The following DSTYK variants were observed in gnomAD, a reference collection of about 807,000 sequenced individuals.
DSTYK encodes RIP-homologous kinase.
In DSTYK, 34 loss-of-function variants were observed where a neutral mutation model predicts 98.7. The observed-to-expected ratio is 0.34, with a 90% confidence interval of 0.26 to 0.46. DSTYK has a LOEUF of 0.46. Ranked by LOEUF, DSTYK falls within the 20% of genes least tolerant of loss-of-function variation. The pLI, the probability that DSTYK is intolerant of heterozygous loss-of-function variation, is 1.00. For missense variants in DSTYK, 962 were observed against 1,181.7 expected (o/e 0.81, Z 2.73); for synonymous variants, 462 against 457.3 (o/e 1.01, Z -0.13).
Position 205,162,940 on chromosome 1 carries a change from A to G in DSTYK, c.1624T>C (p.Trp542Arg). The change falls in exon 5 of 13, where the codon TGG becomes CGG. Residue 542 changes from tryptophan to arginine, a missense_variant. Physicochemically the swap from Trp to Arg is moderately radical, Grantham distance 101 (BLOSUM62 -3). Around this residue, in one of 4 missense-constraint regions of DSTYK, gnomAD observed 660 missense variants for 855.0 expected, o/e 0.77. Coordinates refer to ENST00000367162, the MANE Select transcript of DSTYK (RefSeq NM_015375.3). ...HSGSSVTRML[W>R]EQIKQIIQRI... ...ATCCCTACCTGTTTGATTTGCTCCC[A>G]TAGCATCCTTGTAACTGACGACCCT... The G allele has an allele frequency of 6.2e-7, 1 of 1,613,824 alleles. No individual in the cohort carries two copies. Among genetic ancestry groups the G allele is most frequent in the Non-Finnish European group, 8.5e-7 (1 of 1,179,718 alleles).
Position 205,150,171 on chromosome 1 carries a change from T to G in DSTYK, c.2467+509A>C, listed in dbSNP as rs768930589. 6.6e-6 allele frequency among the ~76,000 whole-genome samples: 1 copy of G among 152,202 alleles called. No individual in the cohort carries two copies. Among genetic ancestry groups the G allele is most frequent in the Non-Finnish European group, 1.5e-5 (1 of 68,032 alleles). Reference sequence around the variant, plus strand: ...TTCTCACCTACCAATTTCCCAAATCTGACTCAAGTTCTATTCAAAATCTCA... The same window carrying G: ...TTCTCACCTACCAATTTCCCAAATCGGACTCAAGTTCTATTCAAAATCTCA... On this transcript the variant is annotated intron_variant, in intron 11 of 12. Coordinates refer to ENST00000367162, the MANE Select transcript of DSTYK (RefSeq NM_015375.3). The surrounding 1 kb of genome is among the most constrained non-coding windows in gnomAD (Gnocchi z 4.1).
rs200125901 is a variant in DSTYK, at chr1:205,161,228, C to T, written c.1948+30G>A. Reference sequence around the variant, plus strand: ...AATGTCAGGTATCCTGAACCATCCTCCAGTTTATCTAGAAGAAAACCAGAC... The same window carrying T: ...AATGTCAGGTATCCTGAACCATCCTTCAGTTTATCTAGAAGAAAACCAGAC... On this transcript the variant is annotated intron_variant, in intron 7 of 12. Transcript: ENST00000367162. The T allele has an allele frequency of 3.7e-6, 6 of 1,612,668 alleles. No homozygotes were observed. In the Admixed American group the frequency reaches 8.4e-5, roughly 22 times the overall value.
At chr1:205,206,736 C>A (rs1164385698) in intron 1 of DSTYK, among the ~76,000 whole-genome samples, 1 of 151,124 alleles carries the variant, frequency 6.6e-6, no homozygotes, top group Admixed American at 6.6e-5. Context: ...CACCTGCCAC[C>A]CTGCCCGGCT....
chr1:205,205,804 C>T (rs1233846494), intron 1 of DSTYK, among the ~76,000 whole-genome samples: 1 of 152,068 alleles, frequency 6.6e-6, no homozygotes, highest in Non-Finnish European at 1.5e-5. Context: ...AATGCTGGCA[C>T]ATTTAAAAGG....
In DSTYK at chr1:205,147,253, A is replaced by G. The variant is rs1657263965; in HGVS notation, c.*305T>C. The stretch of plus-strand genomic sequence containing the variant: ...TTAGAAGTATATACAGTGAAAAGAC[A>G]ATGGTAACATCTGCCTCCTTTTCAT... On this transcript the variant is annotated 3_prime_UTR_variant, in exon 13 of 13. Transcript: ENST00000367162. 1 of 251,732 alleles carries G rather than the reference A, an allele frequency of 4.0e-6. No individual in the cohort carries two copies. Among genetic ancestry groups the G allele is most frequent in the Non-Finnish European group, 7.7e-6 (1 of 129,152 alleles). 15.6% of individuals were successfully genotyped at this position (251,732 alleles called of 1,614,324 possible).
intron 1 of DSTYK, among the ~76,000 whole-genome samples, chr1:205,209,623 AGGGGGATG>A (rs1305003661): frequency 6.8e-5 from 5 of 73,544 alleles, no homozygotes; most frequent in Admixed American, 1.6e-4. Context: ...ACATAAAAGG[AGGGGGATG>A]ACTAGTTTTT....
At chr1:205,164,004 G>C in intron 3 of DSTYK, 49 bp from the exon 4 acceptor site, 1 of 1,499,594 alleles carries the variant, frequency 6.7e-7, no homozygotes, top group Non-Finnish European at 9.3e-7. Flanking sequence ...AGAAGGGGCA[G>C]ACACACTAAA....
intron 11 of DSTYK, among the ~76,000 whole-genome samples, chr1:205,148,801 A>C (rs1657319252): frequency 6.6e-6 from 1 of 152,178 alleles, no homozygotes; most frequent in South Asian, 2.1e-4. Context: ...ATATTTTAGA[A>C]AGATGATTCC....
intron 1 of DSTYK, chr1:205,202,258 G>A (rs948417657): frequency 5.7e-5 from 35 of 611,378 alleles, no homozygotes; most frequent in African/African-American, 3.3e-4. Flanking sequence ...TCAAATCTTC[G>A]TGTTCACTTT....
At chr1:205,176,220 G>A (rs1272421170) in intron 2 of DSTYK, among the ~76,000 whole-genome samples, 2 of 152,162 alleles carry the variant, frequency 1.3e-5, no homozygotes, top group Non-Finnish European at 2.9e-5. Context: ...ATTCACGCCT[G>A]TAATCCCAGC....
chr1:205,162,942 A>G lies in DSTYK; in HGVS notation c.1622T>C (p.Leu541Pro). The change falls in exon 5 of 13, where the codon CTA becomes CCA. Residue 541 changes from leucine to proline, a missense_variant. By Grantham distance (98) the Leu-to-Pro change is moderately conservative. Coordinates refer to ENST00000367162, the MANE Select transcript of DSTYK (RefSeq NM_015375.3). Reference sequence around the variant, plus strand: ...CCCTACCTGTTTGATTTGCTCCCATAGCATCCTTGTAACTGACGACCCTGA... The same window carrying G: ...CCCTACCTGTTTGATTTGCTCCCATGGCATCCTTGTAACTGACGACCCTGA... ...FHSGSSVTRM[L>P]WEQIKQIIQR... The G allele has an allele frequency of 6.2e-7, 1 of 1,613,884 alleles. No homozygotes were observed. Among genetic ancestry groups the G allele is most frequent in the Non-Finnish European group, 8.5e-7 (1 of 1,179,750 alleles).
At chr1:205,155,327 G>A (rs1022768248) in intron 10 of DSTYK, among the ~76,000 whole-genome samples, 3 of 152,046 alleles carry the variant, frequency 2.0e-5, no homozygotes, top group Non-Finnish European at 4.4e-5. Context: ...AGGAGGCAGA[G>A]CATAATAGTT....
intron 2 of DSTYK, among the ~76,000 whole-genome samples, chr1:205,170,120 T>C (rs959642301): frequency 2.6e-5 from 4 of 152,188 alleles, no homozygotes; most frequent in Non-Finnish European, 5.9e-5. Context: ...CTTTATTGCT[T>C]AGACATTCCC....
At chr1:205,188,024 C>T (rs1021594209) in intron 1 of DSTYK, among the ~76,000 whole-genome samples, 1 of 152,106 alleles carries the variant, frequency 6.6e-6, no homozygotes, top group African/African-American at 2.4e-5. Context: ...AGCTCACCCC[C>T]TAGGAACAAA....
intron 1 of DSTYK, among the ~76,000 whole-genome samples, chr1:205,205,933 A>G (rs1438135147): frequency 6.6e-6 from 1 of 152,226 alleles, no homozygotes; most frequent in Non-Finnish European, 1.5e-5. Flanking sequence ...AACCTCCCTT[A>G]GCATTCTGCT....
chr1:205,211,421 C>T lies in DSTYK; in HGVS notation c.115G>A (p.Gly39Arg). ...TCGCGCAGGTTCTGTCGCAGCCGTC[C>T]CAGGTAGCGGCGGTAGCGGCCGAAG... ...RGFGRYRRYL[G>R]RLRQNLRETQ... Residue 39 changes from glycine (G) to arginine (R), a missense_variant, in exon 1 of 13, where the codon GGA becomes AGA. Gly to Arg is a moderately radical substitution (Grantham distance 125). This residue lies in a region of DSTYK where 168 missense variants were observed against 120.0 expected (regional missense o/e 1.40). Coordinates refer to ENST00000367162, the MANE Select transcript of DSTYK (RefSeq NM_015375.3). The T allele has an allele frequency of 6.2e-7, 1 of 1,609,368 alleles. No homozygotes were observed. Among genetic ancestry groups the T allele is most frequent in the Non-Finnish European group, 8.5e-7 (1 of 1,178,992 alleles).
chr1:205,164,465 C>CTTT (rs11438607), intron 3 of DSTYK, among the ~76,000 whole-genome samples: 5 of 143,302 alleles, frequency 3.5e-5, no homozygotes, highest in Non-Finnish European at 6.1e-5. Context: ...ATTTTGTTAG[C>CTTT]TTTTTTTTTT....
chr1:205,151,985 TAGTAC>T (rs1238651390), intron 10 of DSTYK, among the ~76,000 whole-genome samples: 1 of 152,180 alleles, frequency 6.6e-6, no homozygotes, highest in Non-Finnish European at 1.5e-5. Flanking sequence ...ATAAAAAGTA[TAGTAC>T]AGTAAATATA....
intron 10 of DSTYK, 69 bp downstream of exon 10, chr1:205,157,204 A>T: frequency 7.5e-7 from 1 of 1,341,260 alleles, no homozygotes; most frequent in Non-Finnish European, 1.1e-6. Flanking sequence ...ACTTACATTT[A>T]CATGTACCCT....
Sources: gnomAD v4.1 joint callset for allele counts (sites outside exome capture counted in the v4.1 genomes callset) on GRCh38, gnomAD v4.1.1 for gene constraint, gnomAD v4.1.1 regional missense constraint, Gnocchi (gnomAD v3.1) non-coding constraint, MANE v1.5 for transcripts, NCBI Gene and HGNC (gene_info 2026-07-23, HGNC 2026-07-21) for gene names.